HOMEZ: variants seen among roughly 807,000 people sequenced by gnomAD.
The protein encoded by HOMEZ is homeobox and leucine zipper encoding, also known as homeobox and leucine zipper protein Homez.
HOMEZ carries 20 observed loss-of-function variants against 50.1 expected under a neutral mutation model. The ratio of observed to expected loss-of-function variants is 0.40; its 90% confidence interval spans 0.28 to 0.58. The LOEUF (loss-of-function observed/expected upper bound fraction) is 0.58. Among genes scored for constraint, HOMEZ ranks in the 20% least tolerant of loss-of-function variants. The probability of loss-of-function intolerance (pLI) is 0.46; values close to 1 mark genes in which losing one functional copy is unlikely to be tolerated. For synonymous variants in HOMEZ, 239 were observed against 254.7 expected, an observed-to-expected ratio of 0.94 and a Z score of 0.59; for missense variants, 579 against 680.5, an observed-to-expected ratio of 0.85 and a Z score of 1.66.
chr14:23,285,621 G>T, intron 1 of HOMEZ: 1 of 348,604 alleles, frequency 2.9e-6, no homozygotes, highest in Non-Finnish European at 5.1e-6. Flanking sequence ...ACTGGGTCAG[G>T]GAACAAAAAG....
chr14:23,275,753 G>C lies in HOMEZ; in HGVS notation c.1475C>G (p.Thr492Ser). 2 of 1,613,786 alleles carry C rather than the reference G, an allele frequency of 1.2e-6. No homozygotes were observed. Among genetic ancestry groups the C allele is most frequent in the Non-Finnish European group, 1.7e-6 (2 of 1,179,816 alleles). ...GTCAAACCAATCCAGCACCTGCTGG[G>C]TGCTAAGCCTTGATGCCTGACTCAA... ...PQLSQASRLS[T>S]QQVLDWFDSR... The change falls in exon 2 of 2, where the codon ACC becomes AGC. Residue 492 changes from threonine (T) to serine (S), a missense_variant. Physicochemically the swap from Thr to Ser is moderately conservative, Grantham distance 58. Coordinates refer to ENST00000357460, the MANE Select transcript of HOMEZ (RefSeq NM_020834.3).
At position 23,274,013 on chromosome 14, in the gene HOMEZ, T is replaced by A. The variant is rs182609308; in HGVS notation, c.*1562A>T. On this transcript the variant is annotated 3_prime_UTR_variant, in exon 2 of 2. Coordinates refer to ENST00000357460, the MANE Select transcript of HOMEZ (RefSeq NM_020834.3). ...ATGTTAATGGATTTGGTTCCATTAATCCCTAAACCATAGGAGTGGCAAAGT... is the reference window on the plus strand; with the variant it reads ...ATGTTAATGGATTTGGTTCCATTAAACCCTAAACCATAGGAGTGGCAAAGT... 7.9e-5 allele frequency: 12 copies of A among 152,780 alleles called. No homozygotes were observed. The highest frequency in any genetic ancestry group is 1.2e-4 in the Non-Finnish European group (8 of 68,020). 9.5% of individuals were successfully genotyped at this position (152,780 alleles called of 1,614,324 possible).
Position 23,275,654 on chromosome 14 carries a change from G to T in HOMEZ, c.1574C>A (p.Pro525Gln). The T allele has an allele frequency of 6.4e-7, 1 of 1,565,488 alleles. No homozygotes were observed. Among genetic ancestry groups the T allele is most frequent in the Non-Finnish European group, 8.7e-7 (1 of 1,153,966 alleles). ...EEEEEEEEEL[P>Q]EDDEEEEEEE... is the part of the protein sequence containing the mutation. ...CTCCTCCTCTTCCTCATCATCTTCTGGCAGTTCTTCCTCCTCCTCTTCCTC... is the reference window on the plus strand; with the variant it reads ...CTCCTCCTCTTCCTCATCATCTTCTTGCAGTTCTTCCTCCTCCTCTTCCTC... The change falls in exon 2 of 2, where the codon CCA (proline) becomes CAA (glutamine). Residue 525 changes from proline (P) to glutamine (Q), a missense_variant. Transcript: ENST00000357460.
chr14:23,276,664 G>T lies in HOMEZ; in HGVS notation c.564C>A (p.Pro188=). The T allele has an allele frequency of 6.2e-7, 1 of 1,614,032 alleles. No homozygotes were observed. The highest frequency in any genetic ancestry group is 1.3e-5 in the African/African-American group (1 of 75,066). The part of the protein sequence containing the change: ...TKGLKVEPEE[P]SQMPPLPQSH... The stretch of plus-strand genomic sequence containing the variant: ...TCTGTGGCAGTGGTGGCATCTGAGA[G>T]GGCTCCTCAGGCTCTACCTTCAATC... Residue 188 remains proline, a synonymous_variant, in exon 2 of 2, where the codon CCC becomes CCA. Transcript: ENST00000357460. This position sits in a 1 kb window ranked among gnomAD's most constrained non-coding sequence, Gnocchi z 4.1.
chr14:23,280,692 T>TG (rs1300266697), intron 1 of HOMEZ, among the ~76,000 whole-genome samples: 1,991 of 122,862 alleles, frequency 0.016, 203 homozygotes, highest in South Asian at 0.11. Flanking sequence ...ATATTTTATT[T>TG]TTATTTTTAT....
intron 1 of HOMEZ, among the ~76,000 whole-genome samples, chr14:23,280,704 T>TTTTATTTTA (rs1555323526): frequency 2.3e-5 from 2 of 86,542 alleles, no homozygotes; most frequent in East Asian, 3.8e-4. Context: ...TATTTTTATA[T>TTTTATTTTA]TTTTATTTTT....
rs547449465 is a variant in HOMEZ at position 23,274,750 on chromosome 14, T to G, written c.*825A>C. 6.6e-6 allele frequency: 1 copy of G among 151,856 alleles called. No homozygotes were observed. Among genetic ancestry groups the G allele is most frequent in the African/African-American group, 2.4e-5 (1 of 41,336 alleles). The allele number at this position is 151,856 out of a possible 1,614,324, so 9.4% of individuals were successfully genotyped here. A position where few individuals can be genotyped will look rare whatever the true frequency, so the allele number is the denominator to read the frequency against. On this transcript the variant is annotated 3_prime_UTR_variant, in exon 2 of 2. Coordinates refer to ENST00000357460, the MANE Select transcript of HOMEZ (RefSeq NM_020834.3). Reference sequence around the variant, plus strand: ...ATGAAACCCGTCTCTACTAAAAATATAAAAAAGTAGCCGGGTGTGGTGGCA... The same window carrying G: ...ATGAAACCCGTCTCTACTAAAAATAGAAAAAAGTAGCCGGGTGTGGTGGCA...
chr14:23,280,779 T>TTTTA (rs1566451348), intron 1 of HOMEZ, among the ~76,000 whole-genome samples: 27 of 132,036 alleles, frequency 2.0e-4, no homozygotes, highest in South Asian at 7.5e-4. Context: ...TTTTATTTTA[T>TTTTA]TTTATTTTAT....
Position 23,275,606 on chromosome 14 carries a change from TC to T in HOMEZ, c.1621del (p.Asp541MetfsTer6), listed in dbSNP as rs1886327456. 1.3e-6 allele frequency: 2 copies of T among 1,537,962 alleles called. No individual in the cohort carries two copies. The highest frequency in any genetic ancestry group is 1.8e-6 in the Non-Finnish European group (2 of 1,141,148). ...EEEEEEEDDD[D>X]DDDDVIIQD Reference sequence around the variant, plus strand: ...TTGTATGATCACATCATCATCATCATCATCATCATCTTCCTCCTCCTCCTCC... The same window carrying T: ...TTGTATGATCACATCATCATCATCATATCATCATCTTCCTCCTCCTCCTCC... On this transcript the variant is annotated frameshift_variant, in exon 2 of 2. Coordinates refer to ENST00000357460, the MANE Select transcript of HOMEZ (RefSeq NM_020834.3). LOFTEE classifies it high-confidence loss of function.
Position 23,275,843 on chromosome 14 carries a change from T to C in HOMEZ, c.1385A>G (p.Asp462Gly). The C allele has an allele frequency of 6.3e-7, 1 of 1,599,804 alleles. No individual in the cohort carries two copies. The stretch of plus-strand genomic sequence containing the variant: ...CCAGTACCTCTCCAAGGGTTGTATA[T>C]CCGGTGGGGGTGGAGGGATCGGCAG... ...PPLPIPPPPP[D>G]IQPLERYWAA... The change falls in exon 2 of 2, where the codon GAT becomes GGT. Residue 462 changes from aspartate to glycine, a missense_variant. By Grantham distance (94) the Asp-to-Gly change is moderately conservative. Transcript: ENST00000357460.
rs913673921 is a variant in HOMEZ, at chr14:23,276,670, C to T, written c.558G>A (p.Glu186=). Residue 186 remains glutamate, a synonymous_variant, in exon 2 of 2, where the codon GAG becomes GAA. Transcript: ENST00000357460. This position sits in a 1 kb window ranked among gnomAD's most constrained non-coding sequence, Gnocchi z 4.1. ...GCAGTGGTGGCATCTGAGAGGGCTC[C>T]TCAGGCTCTACCTTCAATCCTTTCG... ...TQTKGLKVEP[E]EPSQMPPLPQ... 1.2e-6 allele frequency: 2 copies of T among 1,613,906 alleles called. No homozygotes were observed. Among genetic ancestry groups the T allele is most frequent in the Non-Finnish European group, 1.7e-6 (2 of 1,179,916 alleles).
chr14:23,277,985 C>T (rs1365348459), intron 1 of HOMEZ, among the ~76,000 whole-genome samples: 2 of 151,610 alleles, frequency 1.3e-5, no homozygotes, highest in African/African-American at 4.8e-5. Context: ...CCCGCCACCA[C>T]GCCCGGCTAC....
At position 23,274,413 on chromosome 14, in the gene HOMEZ, T is replaced by C. The variant is rs1313341427; in HGVS notation, c.*1162A>G. The C allele has an allele frequency of 6.6e-6, 1 of 152,644 alleles. No individual in the cohort carries two copies. 9.5% of individuals were successfully genotyped at this position (152,644 alleles called of 1,614,324 possible). The stretch of plus-strand genomic sequence containing the variant: ...AAACTATTCCCTCTCTTTCACCCCT[T>C]TGTAACACAATTCTACTGTTTAAAA... On this transcript the variant is annotated 3_prime_UTR_variant, in exon 2 of 2. Coordinates refer to ENST00000357460, the MANE Select transcript of HOMEZ (RefSeq NM_020834.3).
chr14:23,280,748 ATT>A lies in HOMEZ; in HGVS notation c.41-3563_41-3562del, dbSNP rs1236829420. Among the ~76,000 whole-genome samples the A allele has an allele frequency of 6.4e-4, 56 of 87,088 alleles. 1 individual carries two copies. The highest frequency in any genetic ancestry group is 4.9e-3 in the South Asian group (10 of 2,058). 57.1% of individuals were successfully genotyped at this position (87,088 alleles called of 152,430 possible). A position where few individuals can be genotyped will look rare whatever the true frequency, so the allele number is the denominator to read the frequency against. On this transcript the variant is annotated intron_variant, in intron 1 of 1. Coordinates refer to ENST00000357460, the MANE Select transcript of HOMEZ (RefSeq NM_020834.3). ...TTATTTTATTTTATTTTATTATTTT[ATT>A]TTATTTTATTTTATTTTATTTTATT...
intron 1 of HOMEZ, among the ~76,000 whole-genome samples, chr14:23,279,318 C>A (rs540706311): frequency 6.6e-6 from 1 of 152,200 alleles, no homozygotes; most frequent in South Asian, 2.1e-4. Context: ...GTGGTGAGCA[C>A]ACACCTGGAC....
intron 1 of HOMEZ, among the ~76,000 whole-genome samples, chr14:23,280,733 TTATTTTA>T (rs1468252193): frequency 2.9e-5 from 2 of 69,868 alleles, no homozygotes; most frequent in Non-Finnish European, 5.5e-5. Flanking sequence ...TTATTTTATT[TTATTTTA>T]TTATTTTATT....
In HOMEZ at chr14:23,275,611, ATCATCT is replaced by A. The variant is rs781416013; in HGVS notation, c.1611_1616del (p.Glu537_Asp538del). Reference sequence around the variant, plus strand: ...TGATCACATCATCATCATCATCATCATCATCTTCCTCCTCCTCCTCCTCCTCTTCCT... The same window carrying A: ...TGATCACATCATCATCATCATCATCATCCTCCTCCTCCTCCTCCTCTTCCT... On this transcript the variant is annotated inframe_deletion, in exon 2 of 2. Transcript: ENST00000357460. The A allele has an allele frequency of 4.0e-6, 6 of 1,502,126 alleles. 1 individual carries two copies. Among genetic ancestry groups the A allele is most frequent in the South Asian group, 3.8e-5 (3 of 78,084 alleles). 93.0% of individuals were successfully genotyped at this position (1,502,126 alleles called of 1,614,324 possible).
Position 23,281,048 on chromosome 14 carries a change from C to T in HOMEZ, c.41-3861G>A, listed in dbSNP as rs116821250. On this transcript the variant is annotated intron_variant, in intron 1 of 1. Coordinates refer to ENST00000357460, the MANE Select transcript of HOMEZ (RefSeq NM_020834.3). ...CCTCCCAAAGTGCTGGGATTTCAGG[C>T]GTGAAACACCGGGCCCAGCCTTCTA... Among the ~76,000 whole-genome samples, 208 of 152,004 alleles carry T rather than the reference C, an allele frequency of 1.4e-3. 1 individual carries two copies. The highest frequency in any genetic ancestry group is 4.6e-3 in the African/African-American group (192 of 41,482).
At chr14:23,278,062 C>G (rs896185563) in intron 1 of HOMEZ, among the ~76,000 whole-genome samples, 2 of 152,034 alleles carry the variant, frequency 1.3e-5, no homozygotes, top group Non-Finnish European at 2.9e-5. Context: ...CTCCTGACCT[C>G]GTGATCCACC....
Sources: gnomAD v4.1 joint callset for allele counts (sites outside exome capture counted in the v4.1 genomes callset) on GRCh38, gnomAD v4.1.1 for gene constraint, Gnocchi (gnomAD v3.1) non-coding constraint, MANE v1.5 for transcripts, NCBI Gene and HGNC (gene_info 2026-07-23, HGNC 2026-07-21) for gene names.